Variants in SURF6 observed in about 807,000 individuals in gnomAD.
SURF6 encodes the protein surfeit locus protein 6.
In SURF6, 28 loss-of-function variants were observed where a neutral mutation model predicts 37.5. That is an observed-to-expected ratio of 0.75 (90% CI 0.55 to 1.02). SURF6 has a LOEUF of 1.02. Among genes scored for constraint, SURF6 ranks in the 50% least tolerant of loss-of-function variants. The pLI is 0.00. For missense variants in SURF6, 560 were observed against 490.5 expected, an observed-to-expected ratio of 1.14 and a Z score of -1.34; for synonymous variants, 248 against 210.9, an observed-to-expected ratio of 1.18 and a Z score of -1.52.
rs1835777658 is a variant in SURF6 at position 133,332,688 on chromosome 9, T to C, written c.466A>G (p.Lys156Glu). The C allele has an allele frequency of 1.2e-6, 2 of 1,612,318 alleles. No homozygotes were observed. The highest frequency in any genetic ancestry group is 1.7e-6 in the Non-Finnish European group (2 of 1,180,008). The part of the protein sequence containing the change: ...RRRKQERDRK[K>E]RKRKELRAKE... ...GCCCGCAGCTCCTTTCGCTTCCTCT[T>C]CTTCCGGTCCCGTTCCTGCTTTCTC... The change falls in exon 4 of 5, where the codon AAG becomes GAG. Residue 156 changes from lysine (K) to glutamate (E), a missense_variant. By Grantham distance (56) the Lys-to-Glu change is moderately conservative. Transcript: ENST00000372022.
Sources: gnomAD v4.1 joint callset for allele counts on GRCh38, gnomAD v4.1.1 for gene constraint, MANE v1.5 for transcripts, NCBI Gene and HGNC (gene_info 2026-07-23, HGNC 2026-07-21) for gene names.